The following ATRNL1 variants were observed in gnomAD, a reference collection of about 807,000 sequenced individuals.
The protein encoded by ATRNL1 is attractin like 1, also known as attractin-like protein 1.
ATRNL1 carries 95 observed loss-of-function variants against 182.7 expected under a neutral mutation model. The ratio of observed to expected loss-of-function variants is 0.52; its 90% confidence interval spans 0.44 to 0.62. The LOEUF (loss-of-function observed/expected upper bound fraction) is 0.62. Ranked by LOEUF, ATRNL1 falls within the 20% of genes least tolerant of loss-of-function variation. The pLI is 0.00. For missense variants in ATRNL1, 1,471 were observed against 1,679.5 expected, an observed-to-expected ratio of 0.88 and a Z score of 2.17; for synonymous variants, 576 against 568.3, an observed-to-expected ratio of 1.01 and a Z score of -0.19.
At chr10:115,591,863 C>T (rs10885747) in intron 26 of ATRNL1, among the ~76,000 whole-genome samples, 51,169 of 152,082 alleles carry the variant, frequency 0.34, 10,784 homozygotes, top group Non-Finnish European at 0.48. Flanking sequence ...CAAAAAGACA[C>T]GTGCACTCTT....
chr10:115,284,602 G>T (rs998523282), intron 14 of ATRNL1, among the ~76,000 whole-genome samples: 8 of 152,172 alleles, frequency 5.3e-5, no homozygotes, highest in Non-Finnish European at 1.2e-4. Flanking sequence ...GAACGAACAG[G>T]AGTCCCCAAG....
intron 8 of ATRNL1, among the ~76,000 whole-genome samples, chr10:115,190,901 A>G (rs782416243): frequency 6.6e-6 from 1 of 152,024 alleles, no homozygotes; most frequent in Non-Finnish European, 1.5e-5. Flanking sequence ...TCTAGCAACT[A>G]TCATTCCACT....
chr10:115,168,473 C>T (rs1407959357), intron 7 of ATRNL1, among the ~76,000 whole-genome samples: 2 of 152,080 alleles, frequency 1.3e-5, no homozygotes, highest in African/African-American at 2.4e-5. Flanking sequence ...CTTGCCAACA[C>T]TTATTAGTAT....
chr10:115,605,223 G>T (rs1413748676), intron 26 of ATRNL1, among the ~76,000 whole-genome samples: 4 of 151,972 alleles, frequency 2.6e-5, no homozygotes, highest in Non-Finnish European at 5.9e-5. Context: ...TGCATCCAGT[G>T]TTGCTATCAT....
intron 27 of ATRNL1, among the ~76,000 whole-genome samples, chr10:115,839,508 C>T (rs187057219): frequency 1.4e-3 from 216 of 152,040 alleles, no homozygotes; most frequent in Middle Eastern, 6.8e-3. Flanking sequence ...GAACTTCTAT[C>T]GATTTCCAAT....
In ATRNL1 at chr10:115,272,309, A is replaced by G. The variant is rs79360443; in HGVS notation, c.2100+3865A>G. On this transcript the variant is annotated intron_variant, in intron 13 of 28. Coordinates refer to ENST00000355044, the MANE Select transcript of ATRNL1 (RefSeq NM_207303.4). Reference sequence around the variant, plus strand: ...ATAAGGGATCTCTTGTATTCTAGACATATTCTTCCTAGCCTCCTGTGTGAA... The same window carrying G: ...ATAAGGGATCTCTTGTATTCTAGACGTATTCTTCCTAGCCTCCTGTGTGAA... Among the ~76,000 whole-genome samples, 1,312 of 152,316 alleles carry G rather than the reference A, an allele frequency of 8.6e-3. 19 individuals carry two copies. Among genetic ancestry groups the G allele is most frequent in the African/African-American group, 0.028 (1,167 of 41,576 alleles).
In ATRNL1 at chr10:115,419,408, C is replaced by T. The variant is rs74404580; in HGVS notation, c.3270-6842C>T. On this transcript the variant is annotated intron_variant, in intron 20 of 28. Transcript: ENST00000355044. ...ACAACTAAAAAAGAAGTTACACAAT[C>T]GTGATAGTCATCCCTTACCTATCAA... Among the ~76,000 whole-genome samples the T allele has an allele frequency of 7.8e-4, 118 of 152,194 alleles. 1 individual carries two copies. In the East Asian group the frequency reaches 0.022, roughly 28 times the overall value.
intron 14 of ATRNL1, among the ~76,000 whole-genome samples, 170 bp from the exon 15 acceptor site, chr10:115,286,046 T>C (rs1043676558): frequency 6.6e-6 from 1 of 152,068 alleles, no homozygotes; most frequent in Admixed American, 6.6e-5. Context: ...TGGGATGTTC[T>C]GCTTTCATTC....
At chr10:115,223,960 G>A (rs868924578) in intron 9 of ATRNL1, among the ~76,000 whole-genome samples, 1 of 51,388 alleles carries the variant, frequency 1.9e-5, no homozygotes, top group Non-Finnish European at 4.4e-5. Context: ...CTTTGAGACA[G>A]ACTCTCACTC....
At chr10:115,108,130 A>C (rs1592108725) in intron 1 of ATRNL1, among the ~76,000 whole-genome samples, 1 of 152,128 alleles carries the variant, frequency 6.6e-6, no homozygotes, top group Non-Finnish European at 1.5e-5. Context: ...ACTTTTCCAA[A>C]TCATTACTTT....
intron 19 of ATRNL1, among the ~76,000 whole-genome samples, chr10:115,335,369 C>T (rs1370082340): frequency 1.3e-5 from 2 of 152,162 alleles, no homozygotes; most frequent in East Asian, 3.9e-4. Flanking sequence ...TTTTTTAACA[C>T]TAGCTGCATA....
At position 115,125,753 on chromosome 10, in the gene ATRNL1, C is replaced by T. The variant is rs75439105; in HGVS notation, c.492-1840C>T. Among the ~76,000 whole-genome samples the T allele has an allele frequency of 4.5e-3, 684 of 152,290 alleles. 3 individuals are homozygous for T. The highest frequency in any genetic ancestry group is 0.013 in the African/African-American group (547 of 41,562). On this transcript the variant is annotated intron_variant, in intron 3 of 28. Transcript: ENST00000355044. ...TCCAACCATTGGAGTCCCAGTTCAA[C>T]GTGAAGGCCTTGTGTTTCACTTTTT... is the stretch of plus-strand genomic sequence containing the variant.
At chr10:115,209,170 A>G (rs1253942799) in intron 8 of ATRNL1, among the ~76,000 whole-genome samples, 1 of 151,802 alleles carries the variant, frequency 6.6e-6, no homozygotes, top group Non-Finnish European at 1.5e-5. Flanking sequence ...ATGTTGGATA[A>G]CAAGCAGAAG....
chr10:115,248,232 C>T (rs913658955), intron 10 of ATRNL1, among the ~76,000 whole-genome samples: 2 of 152,090 alleles, frequency 1.3e-5, no homozygotes, highest in Admixed American at 6.5e-5. Context: ...GCCAGTTACC[C>T]TGATCTGATC....
intron 23 of ATRNL1, among the ~76,000 whole-genome samples, chr10:115,468,192 T>G (rs1554971281): frequency 6.6e-6 from 1 of 150,758 alleles, no homozygotes; most frequent in Non-Finnish European, 1.5e-5. Context: ...AAGGAAAAAT[T>G]CGTAATAACT....
intron 5 of ATRNL1, among the ~76,000 whole-genome samples, chr10:115,133,918 G>A (rs1380815282): frequency 1.3e-5 from 2 of 152,032 alleles, no homozygotes; most frequent in African/African-American, 4.8e-5. Flanking sequence ...CAACTACATG[G>A]AAACTGAACA....
Position 115,349,452 on chromosome 10 carries a change from T to C in ATRNL1, c.3175+15033T>C, listed in dbSNP as rs190583797. Reference sequence around the variant, plus strand: ...TGCAGATATTTCTTTGATATACTGATTTTCCTTCTTTTGGATATAACCAGT... The same window carrying C: ...TGCAGATATTTCTTTGATATACTGACTTTCCTTCTTTTGGATATAACCAGT... On this transcript the variant is annotated intron_variant, in intron 19 of 28. Coordinates refer to ENST00000355044, the MANE Select transcript of ATRNL1 (RefSeq NM_207303.4). Among the ~76,000 whole-genome samples the C allele has an allele frequency of 5.6e-3, 858 of 152,340 alleles. 4 individuals carry two copies. The highest frequency in any genetic ancestry group is 7.0e-3 in the Non-Finnish European group (474 of 68,030).
chr10:115,361,305 C>T (rs918991525), intron 19 of ATRNL1, among the ~76,000 whole-genome samples: 1 of 151,788 alleles, frequency 6.6e-6, no homozygotes, highest in African/African-American at 2.4e-5. Context: ...GTCTACCTGT[C>T]TATGTATGTA....
intron 9 of ATRNL1, among the ~76,000 whole-genome samples, chr10:115,223,690 A>G (rs1849559769): frequency 6.6e-6 from 1 of 151,776 alleles, no homozygotes; most frequent in Non-Finnish European, 1.5e-5. Context: ...TTCCAAGAAC[A>G]AAGGAACTTT....
Sources: gnomAD v4.1 joint callset for allele counts (sites outside exome capture counted in the v4.1 genomes callset) on GRCh38, gnomAD v4.1.1 for gene constraint, MANE v1.5 for transcripts, NCBI Gene and HGNC (gene_info 2026-07-23, HGNC 2026-07-21) for gene names.